RBMS3: variants seen among roughly 807,000 people sequenced by gnomAD.
RBMS3 encodes the protein RNA-binding motif, single-stranded-interacting protein 3.
In RBMS3, 27 loss-of-function variants were observed where a neutral mutation model predicts 66.8. The observed-to-expected ratio is 0.40, with a 90% CI of 0.30 to 0.56. RBMS3 has a LOEUF of 0.56. RBMS3 is among the 20% of genes least tolerant of loss of function. The pLI is 0.40. For synonymous variants in RBMS3, 188 were observed against 183.0 expected, an observed-to-expected ratio of 1.03 and a Z score of -0.22; for missense variants, 513 against 549.5, an observed-to-expected ratio of 0.93 and a Z score of 0.66.
intron 13 of RBMS3, 33 bp from the exon 14 acceptor site, chr3:29,991,049 G>A (rs1698838152): frequency 6.2e-7 from 1 of 1,607,664 alleles, no homozygotes; most frequent in African/African-American, 1.3e-5. Flanking sequence ...ACTGAAGCAA[G>A]TAAGGCTTTT....
At chr3:29,920,394 T>A (rs184732790) in intron 10 of RBMS3, among the ~76,000 whole-genome samples, 1 of 152,188 alleles carries the variant, frequency 6.6e-6, no homozygotes, top group Non-Finnish European at 1.5e-5. Context: ...TTTAAAAGAA[T>A]GCCAAACTAA....
Position 29,475,575 on chromosome 3 carries a change from A to C in RBMS3, c.249-12866A>C, listed in dbSNP as rs372823978. 3.7e-4 allele frequency among the ~76,000 whole-genome samples: 56 copies of C among 152,202 alleles called. 1 individual carries two copies. The South Asian group carries it at 0.011, about 29-fold the overall frequency. Reference sequence around the variant, plus strand: ...AATTTCTCCTTTTCTTATTTACACCACAATTAAGAGTGGTTGGTCTTATCT... The same window carrying C: ...AATTTCTCCTTTTCTTATTTACACCCCAATTAAGAGTGGTTGGTCTTATCT... On this transcript the variant is annotated intron_variant, in intron 2 of 14. Transcript: ENST00000383767.
At chr3:29,794,382 C>T (rs918734670) in intron 6 of RBMS3, among the ~76,000 whole-genome samples, 6 of 151,934 alleles carry the variant, frequency 3.9e-5, no homozygotes, top group Non-Finnish European at 8.8e-5. Context: ...GTCAGGAGAT[C>T]GAGACCATCC....
At chr3:29,870,177 G>A (rs1008820736) in intron 7 of RBMS3, among the ~76,000 whole-genome samples, 3 of 152,092 alleles carry the variant, frequency 2.0e-5, no homozygotes, top group Non-Finnish European at 4.4e-5. Context: ...TGGGTATTAC[G>A]TTCTAAAAAG....
At chr3:29,564,048 GA>G (rs1264628442) in intron 3 of RBMS3, among the ~76,000 whole-genome samples, 1 of 151,184 alleles carries the variant, frequency 6.6e-6, no homozygotes, top group Non-Finnish European at 1.5e-5. Flanking sequence ...AGAAAAGAAA[GA>G]AGGAAAGGTA....
At chr3:29,674,002 C>T (rs1367313917) in intron 4 of RBMS3, among the ~76,000 whole-genome samples, 1 of 152,148 alleles carries the variant, frequency 6.6e-6, no homozygotes. Flanking sequence ...CAAAAATCCT[C>T]AATAAAATAC....
chr3:29,450,764 G>GA (rs779856450), intron 2 of RBMS3, among the ~76,000 whole-genome samples: 2 of 152,064 alleles, frequency 1.3e-5, no homozygotes, highest in East Asian at 1.9e-4. Context: ...AAAAATAGCA[G>GA]ATTATGAAGG....
intron 1 of RBMS3, among the ~76,000 whole-genome samples, chr3:29,310,498 A>G (rs2034305653): frequency 6.9e-6 from 1 of 145,268 alleles, no homozygotes; most frequent in Non-Finnish European, 1.5e-5. Flanking sequence ...TGAGATTTCA[A>G]TCTTCTGTAT....
In RBMS3 at chr3:29,804,682, G is replaced by C. The variant is rs371166163; in HGVS notation, c.637+41693G>C. Among the ~76,000 whole-genome samples, 4 of 151,926 alleles carry C rather than the reference G, an allele frequency of 2.6e-5. No individual in the cohort carries two copies. The East Asian group carries it at 7.7e-4, about 29-fold the overall frequency. On this transcript the variant is annotated intron_variant, in intron 6 of 14. Coordinates refer to ENST00000383767, the MANE Select transcript of RBMS3 (RefSeq NM_001003793.3). ...ATTTATTTCTGGAAACCAGAAATAG[G>C]CTAGTCGTTCTTGGAAATTTCACTC...
chr3:29,369,921 C>T (rs2038109827), intron 1 of RBMS3, among the ~76,000 whole-genome samples: 1 of 152,074 alleles, frequency 6.6e-6, no homozygotes, highest in South Asian at 2.1e-4. Context: ...AATTCCAAAC[C>T]TCCGAGACTT....
At chr3:29,464,616 A>G (rs2042476652) in intron 2 of RBMS3, among the ~76,000 whole-genome samples, 1 of 152,218 alleles carries the variant, frequency 6.6e-6, no homozygotes, top group Non-Finnish European at 1.5e-5. Context: ...CCTTATAGGT[A>G]TCAAAGAAAT....
chr3:29,973,347 G>C (rs1202578189), intron 12 of RBMS3, among the ~76,000 whole-genome samples: 1 of 151,916 alleles, frequency 6.6e-6, no homozygotes, highest in African/African-American at 2.4e-5. Flanking sequence ...TTATCTACTT[G>C]GTTCCTGGGT....
At chr3:29,555,256 T>C (rs1434064138) in intron 3 of RBMS3, among the ~76,000 whole-genome samples, 1 of 152,220 alleles carries the variant, frequency 6.6e-6, no homozygotes, top group East Asian at 1.9e-4. Flanking sequence ...TAGCATTTGG[T>C]GATTACAGAC....
At chr3:29,891,068 A>G (rs1044455351) in intron 8 of RBMS3, among the ~76,000 whole-genome samples, 4 of 151,594 alleles carry the variant, frequency 2.6e-5, no homozygotes, top group Admixed American at 2.0e-4. Flanking sequence ...AAACTAAGCC[A>G]TAGGGCTTTT....
intron 12 of RBMS3, among the ~76,000 whole-genome samples, chr3:29,981,565 T>G (rs1697997972): frequency 6.6e-6 from 1 of 152,164 alleles, no homozygotes; most frequent in African/African-American, 2.4e-5. Flanking sequence ...TGAGTGTAGG[T>G]TTGTCATAAA....
chr3:29,310,284 A>T (rs1032013939), intron 1 of RBMS3, among the ~76,000 whole-genome samples: 3 of 151,704 alleles, frequency 2.0e-5, no homozygotes, highest in African/African-American at 7.3e-5. Flanking sequence ...AAAGTAGGTC[A>T]TCCTCTGTGA....
At chr3:29,506,401 A>C (rs2044181840) in intron 3 of RBMS3, among the ~76,000 whole-genome samples, 1 of 152,000 alleles carries the variant, frequency 6.6e-6, no homozygotes, top group African/African-American at 2.4e-5. Context: ...TGTATGTTGA[A>C]CCACCTTTAC....
At chr3:29,362,595 C>A (rs1229788352) in intron 1 of RBMS3, among the ~76,000 whole-genome samples, 1 of 152,114 alleles carries the variant, frequency 6.6e-6, no homozygotes, top group Non-Finnish European at 1.5e-5. Context: ...ATGTGGAAAT[C>A]ACCCATCTTC....
At chr3:29,448,295 A>G (rs1016381262) in intron 2 of RBMS3, among the ~76,000 whole-genome samples, 59 of 152,204 alleles carry the variant, frequency 3.9e-4, no homozygotes, top group African/African-American at 1.4e-3. Flanking sequence ...CCCATTTCAG[A>G]ATTTAAGAGA....
Sources: allele counts gnomAD v4.1 joint callset (sites outside exome capture counted in the v4.1 genomes callset), GRCh38; gene constraint gnomAD v4.1.1; transcripts MANE v1.5; gene names NCBI Gene and HGNC (gene_info 2026-07-23, HGNC 2026-07-21).